Variants in DNAH14 observed in about 807,000 individuals in gnomAD.
The protein encoded by DNAH14 is dynein axonemal heavy chain 14, also known as axonemal beta dynein heavy chain 14.
In DNAH14, 478 loss-of-function variants were observed where a neutral mutation model predicts 520.9. The observed-to-expected ratio is 0.92, with a 90% CI of 0.85 to 0.99. The LOEUF is 0.99. DNAH14 is among the 50% of genes least tolerant of loss of function. The pLI is 0.00. For synonymous variants in DNAH14, 1,581 were observed against 1,757.2 expected, an observed-to-expected ratio of 0.90 and a Z score of 2.51; for missense variants, 4,831 against 5,234.5, an observed-to-expected ratio of 0.92 and a Z score of 2.38.
At chr1:224,932,560 T>G (rs1359866824) in intron 1 of DNAH14, among the ~76,000 whole-genome samples, 1 of 152,014 alleles carries the variant, frequency 6.6e-6, no homozygotes, top group Non-Finnish European at 1.5e-5. Flanking sequence ...TCCCTAGTTT[T>G]GGATCTTATG....
chr1:225,345,027 C>G (rs1393238145), intron 69 of DNAH14, among the ~76,000 whole-genome samples: 2 of 152,054 alleles, frequency 1.3e-5, no homozygotes, highest in Non-Finnish European at 2.9e-5. Context: ...ACTAGCCATT[C>G]TTGTTGCCTC....
In DNAH14 at chr1:225,360,690, T is replaced by G; in HGVS notation, c.11786T>G (p.Leu3929Arg). The stretch of plus-strand genomic sequence containing the variant: ...CCACGTTGTTATACAGGGATCGACC[T>G]TACCAATATCCTCCTGAGATTTGCA... Reference protein sequence around the residue: ...LILIQTHGIDLTNILLRFAQE... With the variant: ...LILIQTHGIDRTNILLRFAQE... Residue 3929 changes from leucine to arginine, a missense_variant, in exon 75 of 86, where the codon CTT becomes CGT. Leu to Arg is a moderately radical substitution (Grantham distance 102). Coordinates refer to ENST00000682510, the MANE Select transcript of DNAH14 (RefSeq NM_001367479.1). 1 of 1,551,686 alleles carries G rather than the reference T, an allele frequency of 6.4e-7. No homozygotes were observed. Among genetic ancestry groups the G allele is most frequent in the Non-Finnish European group, 8.7e-7 (1 of 1,146,964 alleles).
intron 31 of DNAH14, 124 bp downstream of exon 31, chr1:225,147,373 G>C: frequency 1.0e-6 from 1 of 981,362 alleles, no homozygotes; most frequent in Non-Finnish European, 1.4e-6. Context: ...TTTTTTTAAA[G>C]CACATACCAA....
chr1:225,194,263 A>G (rs1228723407), intron 38 of DNAH14, among the ~76,000 whole-genome samples: 1 of 152,110 alleles, frequency 6.6e-6, no homozygotes, highest in African/African-American at 2.4e-5. Flanking sequence ...CCAATTTCAA[A>G]CTATACTACA....
rs1315307495 is a variant in DNAH14, at chr1:224,967,599, T to C, written c.651+16T>C. On this transcript the variant is annotated intron_variant, in intron 6 of 85. Transcript: ENST00000682510. ...TATCTCAAAGGTAATGTTTAATGGA[T>C]GTTTTAAGCTTTCAGAATTATATTA... is the stretch of plus-strand genomic sequence containing the variant. 6 of 1,595,674 alleles carry C rather than the reference T, an allele frequency of 3.8e-6. No homozygotes were observed. The highest frequency in any genetic ancestry group is 5.1e-6 in the Non-Finnish European group (6 of 1,174,570).
At chr1:225,299,467 T>C (rs1217313619) in intron 55 of DNAH14, among the ~76,000 whole-genome samples, 1 of 152,170 alleles carries the variant, frequency 6.6e-6, no homozygotes, top group African/African-American at 2.4e-5. Context: ...CGAAACTCCA[T>C]AATATCCAGG....
At chr1:225,166,841 G>A (rs2082085146) in intron 35 of DNAH14, among the ~76,000 whole-genome samples, 1 of 152,150 alleles carries the variant, frequency 6.6e-6, no homozygotes, top group Non-Finnish European at 1.5e-5. Flanking sequence ...ATCATATACA[G>A]CCACGAATAT....
chr1:225,367,754 C>T (rs1391383177), intron 76 of DNAH14, 51 bp from the exon 77 acceptor site: 2 of 1,289,936 alleles, frequency 1.6e-6, no homozygotes, highest in East Asian at 5.0e-5. Context: ...CCCTGAAGAC[C>T]AGTGCCTGCA....
At chr1:225,391,767 T>C (rs2095917093) in intron 83 of DNAH14, among the ~76,000 whole-genome samples, 1 of 151,882 alleles carries the variant, frequency 6.6e-6, no homozygotes, top group Admixed American at 6.6e-5. Context: ...GAGTTCGAGA[T>C]GTTCTCATTT....
intron 64 of DNAH14, among the ~76,000 whole-genome samples, chr1:225,330,870 AT>A (rs1182937592): frequency 2.6e-5 from 4 of 152,344 alleles, no homozygotes; most frequent in Middle Eastern, 3.4e-3. Context: ...CCATGATGTG[AT>A]GATTACACAT....
At chr1:224,961,120 G>A (rs1049689770) in intron 4 of DNAH14, 1 of 152,052 alleles carries the variant, frequency 6.6e-6, no homozygotes, top group Non-Finnish European at 1.5e-5. Flanking sequence ...TGCTGGCTTC[G>A]AAGAAGCAAG....
At chr1:225,152,130 C>A in intron 32 of DNAH14, 57 bp downstream of exon 32, 3 of 1,429,356 alleles carry the variant, frequency 2.1e-6, no homozygotes, top group Non-Finnish European at 2.8e-6. Context: ...TTTCTTAAAT[C>A]TTATCTACAG....
At chr1:225,168,976 A>G (rs1339938707) in intron 36 of DNAH14, among the ~76,000 whole-genome samples, 2 of 152,148 alleles carry the variant, frequency 1.3e-5, no homozygotes, top group African/African-American at 4.8e-5. Context: ...ATCTGGCAGC[A>G]ACATCTGCTG....
At chr1:225,269,620 A>T (rs1204068564) in intron 49 of DNAH14, among the ~76,000 whole-genome samples, 1 of 152,212 alleles carries the variant, frequency 6.6e-6, no homozygotes, top group African/African-American at 2.4e-5. Flanking sequence ...AAAGAACTCA[A>T]ACAAATTTAC....
chr1:225,018,479 T>C (rs1406100889), intron 10 of DNAH14, among the ~76,000 whole-genome samples: 1 of 152,186 alleles, frequency 6.6e-6, no homozygotes, highest in East Asian at 1.9e-4. Flanking sequence ...TTTGAGGATA[T>C]AGTCCATGAC....
At chr1:225,347,205 A>G (rs1320744283) in intron 71 of DNAH14, among the ~76,000 whole-genome samples, 4 of 152,212 alleles carry the variant, frequency 2.6e-5, no homozygotes, top group Non-Finnish European at 4.4e-5. Flanking sequence ...AGTCTGCAAG[A>G]TGGCAGACTA....
intron 68 of DNAH14, among the ~76,000 whole-genome samples, chr1:225,339,975 G>T (rs904483131): frequency 2.0e-5 from 3 of 152,112 alleles, no homozygotes; most frequent in African/African-American, 4.8e-5. Flanking sequence ...AATGTACACT[G>T]CTCAGGTTAT....
chr1:224,948,788 C>T (rs2059998851), intron 1 of DNAH14, among the ~76,000 whole-genome samples: 1 of 152,054 alleles, frequency 6.6e-6, no homozygotes, highest in South Asian at 2.1e-4. Context: ...TAAGTTTAAT[C>T]CATCTGTTTT....
At chr1:225,388,264 C>T (rs2095864632) in intron 81 of DNAH14, 115 bp from the exon 82 acceptor site, 2 of 557,888 alleles carry the variant, frequency 3.6e-6, no homozygotes, top group Admixed American at 2.8e-5. Flanking sequence ...GGACATCCTC[C>T]TGCCAAGTTA....
Sources: allele counts gnomAD v4.1 joint callset (sites outside exome capture counted in the v4.1 genomes callset), GRCh38; gene constraint gnomAD v4.1.1; transcripts MANE v1.5; gene names NCBI Gene and HGNC (gene_info 2026-07-23, HGNC 2026-07-21).